ZFP64: variants seen among roughly 807,000 people sequenced by gnomAD.
ZFP64 encodes zinc finger protein 64.
A neutral mutation model predicts 51.6 loss-of-function variants in ZFP64; 14 were observed. That is an observed-to-expected ratio of 0.27 (90% CI 0.18 to 0.42). The LOEUF (loss-of-function observed/expected upper bound fraction) is 0.42, where lower values mean the gene tolerates loss of function less well. ZFP64 is among the 10% of genes least tolerant of loss of function. ZFP64 has a pLI of 1.00. For missense variants in ZFP64, 754 were observed against 906.8 expected (o/e 0.83, Z 2.16); for synonymous variants, 375 against 361.4 (o/e 1.04, Z -0.43).
At chr20:52,179,807 G>T (rs1045257795) in intron 2 of ZFP64, among the ~76,000 whole-genome samples, 1 of 152,136 alleles carries the variant, frequency 6.6e-6, no homozygotes, top group African/African-American at 2.4e-5. Context: ...GATGCTTTTG[G>T]AGGAGTTCAA....
At chr20:52,179,099 G>A (rs1983436198) in intron 2 of ZFP64, among the ~76,000 whole-genome samples, 1 of 152,078 alleles carries the variant, frequency 6.6e-6, no homozygotes, top group Admixed American at 6.5e-5. Flanking sequence ...TATGGGGGTG[G>A]GTCTTTCCTG....
chr20:52,114,923 C>T (rs1008597320), intron 5 of ZFP64, among the ~76,000 whole-genome samples: 3 of 152,174 alleles, frequency 2.0e-5, no homozygotes, highest in Non-Finnish European at 4.4e-5. Flanking sequence ...CCAGGCCGGG[C>T]ACGGTGGCTC....
intron 5 of ZFP64, among the ~76,000 whole-genome samples, chr20:52,158,202 T>G (rs1479912157): frequency 6.6e-6 from 1 of 152,244 alleles, no homozygotes; most frequent in African/African-American, 2.4e-5. Context: ...TGTTTTACAC[T>G]GTATATTGGG....
rs3746415 is a variant in ZFP64, at chr20:52,152,644, G to A, written c.1548C>T (p.Ala516=). 0.21 allele frequency: 317,989 copies of A among 1,532,674 alleles called. 34,760 individuals are homozygous for A. The highest frequency in any genetic ancestry group is 0.31 in the Admixed American group (15,522 of 50,096). The allele number at this position is 1,532,674 out of a possible 1,614,324, so 94.9% of individuals were successfully genotyped here. A position where few individuals can be genotyped will look rare whatever the true frequency, so the allele number is the denominator to read the frequency against. The part of the protein sequence containing the change: ...PQANTIVQAA[A]AAVNIVPPAL... ...CAGGCGGGACGATGTTCACTGCAGC[G>A]GCGGCAGCCTGGACGATGGTGTTCG... is the stretch of plus-strand genomic sequence containing the variant. Residue 516 remains alanine (A), a synonymous_variant, in exon 6 of 6, where the codon GCC becomes GCT. Coordinates refer to ENST00000216923, the MANE Select transcript of ZFP64 (RefSeq NM_018197.3).
intron 5 of ZFP64, among the ~76,000 whole-genome samples, chr20:52,111,989 C>T (rs558289633): frequency 3.3e-5 from 5 of 149,514 alleles, no homozygotes; most frequent in African/African-American, 7.4e-5. Context: ...GGCTGAGGCA[C>T]GAGAATCGCT....
intron 2 of ZFP64, chr20:52,175,991 G>C (rs974498648): frequency 1.0e-6 from 1 of 985,324 alleles, no homozygotes; most frequent in Non-Finnish European, 1.2e-6. Context: ...TCCCTCCCCA[G>C]GGGTGAGTGG....
chr20:52,151,804 C>G lies in ZFP64; in HGVS notation c.*342G>C. ...TGGTGGCTCACACCTGTAATCCCAG[C>G]ACTTTGGGAGGCTGAGGTGGGCAGA... On this transcript the variant is annotated 3_prime_UTR_variant, in exon 6 of 6. Coordinates refer to ENST00000216923, the MANE Select transcript of ZFP64 (RefSeq NM_018197.3). 2 of 1,070,388 alleles carry G rather than the reference C, an allele frequency of 1.9e-6. No individual in the cohort carries two copies. The highest frequency in any genetic ancestry group is 2.3e-6 in the Non-Finnish European group (2 of 880,054). The allele number at this position is 1,070,388 out of a possible 1,614,324, so 66.3% of individuals were successfully genotyped here. A position where few individuals can be genotyped will look rare whatever the true frequency, so the allele number is the denominator to read the frequency against.
intron 1 of ZFP64, among the ~76,000 whole-genome samples, chr20:52,187,749 T>C (rs777006616): frequency 2.0e-5 from 3 of 152,166 alleles, no homozygotes; most frequent in African/African-American, 7.2e-5. Context: ...CAACCATCCA[T>C]GTGATGGTTC....
At chr20:52,117,261 C>T (rs761590433) in intron 5 of ZFP64, among the ~76,000 whole-genome samples, 29 of 151,784 alleles carry the variant, frequency 1.9e-4, no homozygotes, top group Non-Finnish European at 3.7e-4. Context: ...TAATAAGGTC[C>T]CCAGGTGATC....
chr20:52,126,910 A>AT (rs145753021), intron 5 of ZFP64, among the ~76,000 whole-genome samples: 367 of 145,000 alleles, frequency 2.5e-3, no homozygotes, highest in Middle Eastern at 0.022. Context: ...AGTGGAAAGA[A>AT]TTTTTTTTTT....
intron 5 of ZFP64, among the ~76,000 whole-genome samples, chr20:52,115,901 C>T (rs1387395640): frequency 6.6e-6 from 1 of 152,088 alleles, no homozygotes; most frequent in Non-Finnish European, 1.5e-5. Flanking sequence ...TTGGTGCGAT[C>T]TTGGCTCACG....
At chr20:52,180,965 C>T (rs1418918044) in intron 2 of ZFP64, among the ~76,000 whole-genome samples, 3 of 152,018 alleles carry the variant, frequency 2.0e-5, no homozygotes, top group East Asian at 1.9e-4. Flanking sequence ...CTCGCTCTGT[C>T]GCCCAGGCTG....
intron 5 of ZFP64, among the ~76,000 whole-genome samples, chr20:52,124,772 T>C (rs1029332330): frequency 1.8e-4 from 21 of 119,480 alleles, no homozygotes; most frequent in Admixed American, 1.6e-3. Context: ...AATTTTTGTA[T>C]TTTCTTTTTT....
At chr20:52,087,462 C>T (rs901444535) in intron 8 of ZFP64, among the ~76,000 whole-genome samples, 2 of 152,166 alleles carry the variant, frequency 1.3e-5, no homozygotes, top group African/African-American at 2.4e-5. Context: ...TATTTGGATG[C>T]AACATTTCTG....
chr20:52,189,106 T>A (rs1407308699), intron 1 of ZFP64, among the ~76,000 whole-genome samples: 1 of 152,202 alleles, frequency 6.6e-6, no homozygotes, highest in East Asian at 1.9e-4. Context: ...CCATTCATTT[T>A]CTTTACACTT....
At chr20:52,125,971 C>G (rs1979429096) in intron 5 of ZFP64, among the ~76,000 whole-genome samples, 1 of 151,962 alleles carries the variant, frequency 6.6e-6, no homozygotes, top group Admixed American at 6.6e-5. Context: ...AACCTCCGCG[C>G]CCTGGGTTCA....
chr20:52,141,011 A>C (rs1488887752), intron 5 of ZFP64, among the ~76,000 whole-genome samples: 2 of 152,208 alleles, frequency 1.3e-5, no homozygotes, highest in African/African-American at 4.8e-5. Flanking sequence ...AAATGGAACC[A>C]TGAAGGCTGG....
intron 5 of ZFP64, among the ~76,000 whole-genome samples, chr20:52,123,352 A>G (rs1331990878): frequency 1.3e-5 from 2 of 152,222 alleles, no homozygotes; most frequent in African/African-American, 2.4e-5. Context: ...TTAAAATGCT[A>G]TCAAACAGCA....
intron 5 of ZFP64, among the ~76,000 whole-genome samples, chr20:52,099,866 A>G (rs981227357): frequency 6.6e-6 from 1 of 152,236 alleles, no homozygotes; most frequent in African/African-American, 2.4e-5. Flanking sequence ...AAAACGGTCA[A>G]ATAATTTCAT....
Sources: allele counts gnomAD v4.1 joint callset (sites outside exome capture counted in the v4.1 genomes callset), GRCh38; gene constraint gnomAD v4.1.1; transcripts MANE v1.5; gene names NCBI Gene and HGNC (gene_info 2026-07-23, HGNC 2026-07-21).